SLC16A10: variants seen among roughly 807,000 people sequenced by gnomAD.
The protein encoded by SLC16A10 is monocarboxylate transporter 10.
A neutral mutation model predicts 40.0 loss-of-function variants in SLC16A10; 27 were observed. The observed-to-expected ratio is 0.67, with a 90% confidence interval of 0.50 to 0.93. The LOEUF (loss-of-function observed/expected upper bound fraction) is 0.93, where lower values mean the gene tolerates loss of function less well. Ranked by LOEUF, SLC16A10 falls within the 40% of genes least tolerant of loss-of-function variation. The pLI is 0.00. For missense variants in SLC16A10, 529 were observed against 658.2 expected (o/e 0.80, Z 2.15); for synonymous variants, 213 against 249.8 (o/e 0.85, Z 1.39).
rs1771282398 is a variant in SLC16A10, at chr6:111,106,232, AGAGACTT to A, written c.343+18140_343+18146del. On this transcript the variant is annotated intron_variant, in intron 1 of 5. Transcript: ENST00000368851. The stretch of plus-strand genomic sequence containing the variant: ...TTCCATGCCAACACATCAGACAAGA[AGAGACTT>A]GATAGTAGTAAAGGTTGGGAATCAA... Among the ~76,000 whole-genome samples, 3 of 152,244 alleles carry A rather than the reference AGAGACTT, an allele frequency of 2.0e-5. No homozygotes were observed. In the East Asian group the frequency reaches 5.8e-4, roughly 29 times the overall value.
chr6:111,159,724 A>G (rs1162770057), intron 1 of SLC16A10, among the ~76,000 whole-genome samples: 3 of 152,170 alleles, frequency 2.0e-5, no homozygotes, highest in African/African-American at 7.2e-5. Context: ...AAATTCCTGA[A>G]CTGCTTTCCA....
intron 1 of SLC16A10, among the ~76,000 whole-genome samples, chr6:111,101,016 A>AAATATATG: frequency 8.0e-6 from 1 of 124,902 alleles, no homozygotes; most frequent in South Asian, 2.3e-4. Context: ...ATATATATAT[A>AAATATATG]TAAATATATG....
rs1297457430 is a variant in SLC16A10 at position 111,228,578 on chromosome 6, G to A, written c.*6343G>A. On this transcript the variant is annotated 3_prime_UTR_variant, in exon 6 of 6. Coordinates refer to ENST00000368851, the MANE Select transcript of SLC16A10 (RefSeq NM_018593.5). ...GATGTATGACTTTTATTCTTTACTA[G>A]ATATTTTTCAGTATCCGTCATTAGA... 6.6e-6 allele frequency: 1 copy of A among 152,032 alleles called. No homozygotes were observed. 9.4% of individuals were successfully genotyped at this position (152,032 alleles called of 1,614,324 possible).
At chr6:111,137,459 T>C (rs531340066) in intron 1 of SLC16A10, among the ~76,000 whole-genome samples, 2 of 152,354 alleles carry the variant, frequency 1.3e-5, no homozygotes, top group Admixed American at 1.3e-4. Flanking sequence ...TTTCAATCCC[T>C]GAATCTTTAA....
intron 2 of SLC16A10, among the ~76,000 whole-genome samples, chr6:111,176,884 T>A (rs1418169275): frequency 1.3e-5 from 2 of 152,238 alleles, no homozygotes; most frequent in East Asian, 3.8e-4. Flanking sequence ...CACCAACCTT[T>A]ATTTCTGAGC....
rs1012146159 is a variant in SLC16A10, at chr6:111,223,769, C to T, written c.*1534C>T. On this transcript the variant is annotated 3_prime_UTR_variant, in exon 6 of 6. Transcript: ENST00000368851. The stretch of plus-strand genomic sequence containing the variant: ...CTCATTTTTGAGAAGTTCAACAAAA[C>T]ATACTACTAAGACCAATCATCAAAC... 6.6e-6 allele frequency: 1 copy of T among 152,160 alleles called. No homozygotes were observed. The allele number at this position is 152,160 out of a possible 1,614,324, so 9.4% of individuals were successfully genotyped here. A position where few individuals can be genotyped will look rare whatever the true frequency, so the allele number is the denominator to read the frequency against.
Position 111,228,363 on chromosome 6 carries a change from T to C in SLC16A10, c.*6128T>C, listed in dbSNP as rs1274610655. 6.6e-6 allele frequency: 1 copy of C among 152,188 alleles called. No individual in the cohort carries two copies. The highest frequency in any genetic ancestry group is 1.5e-5 in the Non-Finnish European group (1 of 68,024). 9.4% of individuals were successfully genotyped at this position (152,188 alleles called of 1,614,324 possible). Reference sequence around the variant, plus strand: ...CTCACTGGAGTTTTTTAAAATGCTGTTCTTGAGTGTGGCAATAGTGTAGGA... The same window carrying C: ...CTCACTGGAGTTTTTTAAAATGCTGCTCTTGAGTGTGGCAATAGTGTAGGA... On this transcript the variant is annotated 3_prime_UTR_variant, in exon 6 of 6. Transcript: ENST00000368851.
At chr6:111,088,155 T>A in intron 1 of SLC16A10, 60 bp downstream of exon 1, 1 of 1,526,482 alleles carries the variant, frequency 6.6e-7, no homozygotes, top group South Asian at 1.2e-5. Context: ...CCCGAGCGCA[T>A]CCCGCGTGTG....
intron 1 of SLC16A10, among the ~76,000 whole-genome samples, chr6:111,114,064 G>T (rs977138007): frequency 1.8e-4 from 28 of 152,118 alleles, no homozygotes; most frequent in Non-Finnish European, 3.8e-4. Context: ...AACAAGCAGG[G>T]AATTTTTTTC....
chr6:111,119,454 A>G (rs990742750), intron 1 of SLC16A10, among the ~76,000 whole-genome samples: 1 of 152,216 alleles, frequency 6.6e-6, no homozygotes, highest in Non-Finnish European at 1.5e-5. Context: ...ATGTTTTGAC[A>G]TATTCTTTTG....
chr6:111,184,539 C>T (rs1173321424), intron 3 of SLC16A10, among the ~76,000 whole-genome samples: 3 of 151,140 alleles, frequency 2.0e-5, no homozygotes, highest in South Asian at 2.1e-4. Flanking sequence ...TGGAGTGCAG[C>T]GGCATGCTCT....
At chr6:111,148,823 A>G (rs768340683) in intron 1 of SLC16A10, among the ~76,000 whole-genome samples, 2 of 152,316 alleles carry the variant, frequency 1.3e-5, no homozygotes, top group South Asian at 2.1e-4. Context: ...GAATACTTCA[A>G]TCAGGCCAGG....
Position 111,177,233 on chromosome 6 carries a change from T to C in SLC16A10, c.510T>C (p.Leu170=). The change falls in exon 3 of 6, where the codon CTT becomes CTC. Residue 170 remains leucine (L), a synonymous_variant. Coordinates refer to ENST00000368851, the MANE Select transcript of SLC16A10 (RefSeq NM_018593.5). The part of the protein sequence containing the change: ...SFVSSIEPLY[L]TYGIIFACGC... ...ACAGTTCCATCGAGCCTCTGTACCT[T>C]ACCTATGGAATCATATTTGCCTGCG... 6.4e-7 allele frequency: 1 copy of C among 1,558,980 alleles called. No individual in the cohort carries two copies. The highest frequency in any genetic ancestry group is 8.7e-7 in the Non-Finnish European group (1 of 1,155,704).
chr6:111,154,670 T>C (rs1424267625), intron 1 of SLC16A10, among the ~76,000 whole-genome samples: 3 of 152,112 alleles, frequency 2.0e-5, no homozygotes, highest in Admixed American at 6.6e-5. Flanking sequence ...TAAGCATCTC[T>C]TGATGAAAGA....
chr6:111,184,261 C>T (rs1019921622), intron 3 of SLC16A10, among the ~76,000 whole-genome samples: 1 of 152,150 alleles, frequency 6.6e-6, no homozygotes, highest in African/African-American at 2.4e-5. Flanking sequence ...AGATGACTGA[C>T]TCATATTGAA....
intron 1 of SLC16A10, among the ~76,000 whole-genome samples, chr6:111,100,631 C>T (rs1771158145): frequency 1.3e-5 from 2 of 151,990 alleles, no homozygotes. Flanking sequence ...TCGTGATCCG[C>T]CTCGGCCTAC....
At chr6:111,201,324 T>C (rs1773164803) in intron 3 of SLC16A10, among the ~76,000 whole-genome samples, 1 of 152,182 alleles carries the variant, frequency 6.6e-6, no homozygotes, top group Non-Finnish European at 1.5e-5. Flanking sequence ...GTTGTTTTGC[T>C]CAGTTCTGCC....
chr6:111,101,104 C>T (rs1327955835), intron 1 of SLC16A10, among the ~76,000 whole-genome samples: 1 of 150,906 alleles, frequency 6.6e-6, no homozygotes, highest in Non-Finnish European at 1.5e-5. Flanking sequence ...GATCATGGCT[C>T]ACTGCAGCCT....
intron 4 of SLC16A10, among the ~76,000 whole-genome samples, chr6:111,212,391 T>C (rs899084589): frequency 3.9e-5 from 6 of 152,200 alleles, no homozygotes; most frequent in African/African-American, 1.4e-4. Flanking sequence ...AGTCTTTGCT[T>C]ATAGGTAACA....
Sources: gnomAD v4.1 joint callset for allele counts (sites outside exome capture counted in the v4.1 genomes callset) on GRCh38, gnomAD v4.1.1 for gene constraint, MANE v1.5 for transcripts, NCBI Gene and HGNC (gene_info 2026-07-23, HGNC 2026-07-21) for gene names.